The following FAM168A variants were observed in gnomAD, a reference collection of about 807,000 sequenced individuals.
The protein encoded by FAM168A is family with sequence similarity 168 member A.
A neutral mutation model predicts 28.5 loss-of-function variants in FAM168A; 3 were observed. That is an observed-to-expected ratio of 0.11 (90% confidence interval 0.05 to 0.27). The LOEUF is 0.27. FAM168A is among the 10% of genes least tolerant of loss of function. The pLI is 1.00. For synonymous variants in FAM168A, 122 were observed against 124.2 expected (o/e 0.98, Z 0.12); for missense variants, 222 against 311.5 (o/e 0.71, Z 2.16).
intron 1 of FAM168A, among the ~76,000 whole-genome samples, chr11:73,483,130 A>G (rs948564866): frequency 6.6e-6 from 1 of 152,234 alleles, no homozygotes; most frequent in African/African-American, 2.4e-5. Flanking sequence ...TGGTATCAAT[A>G]TTCCAAGAAT....
At chr11:73,557,304 A>C (rs1407654656) in intron 1 of FAM168A, among the ~76,000 whole-genome samples, 2 of 152,220 alleles carry the variant, frequency 1.3e-5, no homozygotes, top group Non-Finnish European at 2.9e-5. Context: ...TCATGGAGAC[A>C]AAGTTGAATG....
At chr11:73,455,119 A>G (rs1201543551) in intron 2 of FAM168A, among the ~76,000 whole-genome samples, 1 of 152,244 alleles carries the variant, frequency 6.6e-6, no homozygotes, top group Non-Finnish European at 1.5e-5. Flanking sequence ...GGGCTTCAGT[A>G]GTCACAGGCA....
chr11:73,452,240 C>G (rs1867443786), intron 2 of FAM168A: 1 of 152,252 alleles, frequency 6.6e-6, no homozygotes, highest in South Asian at 2.1e-4. Context: ...ACCAAGGGAG[C>G]TAACAATGAG....
intron 1 of FAM168A, among the ~76,000 whole-genome samples, chr11:73,499,905 G>C (rs1194839762): frequency 6.6e-6 from 1 of 152,128 alleles, no homozygotes; most frequent in Non-Finnish European, 1.5e-5. Flanking sequence ...GTTGACTGGA[G>C]TACCAGGAGA....
intron 1 of FAM168A, among the ~76,000 whole-genome samples, chr11:73,547,431 T>C (rs1293773918): frequency 6.6e-6 from 1 of 152,004 alleles, no homozygotes; most frequent in African/African-American, 2.4e-5. Flanking sequence ...GCTGCTGCTA[T>C]TGAAAATAGT....
intron 1 of FAM168A, among the ~76,000 whole-genome samples, chr11:73,508,454 A>G (rs1855157351): frequency 6.6e-6 from 1 of 152,202 alleles, no homozygotes; most frequent in South Asian, 2.1e-4. Context: ...TGCATTTTCA[A>G]CTGTCAGAAA....
chr11:73,421,022 T>C (rs1866782072), intron 3 of FAM168A: 1 of 144,778 alleles, frequency 6.9e-6, no homozygotes, highest in Non-Finnish European at 1.5e-5. Context: ...TTACTGTTTA[T>C]GGTAAAACGA....
At chr11:73,580,436 G>A (rs1166705258) in intron 1 of FAM168A, 7 of 620,756 alleles carry the variant, frequency 1.1e-5, no homozygotes, top group Non-Finnish European at 2.2e-5. Flanking sequence ...AGCTGAGGCT[G>A]GCCAGGATGG....
chr11:73,510,319 C>T (rs575000979), intron 1 of FAM168A, among the ~76,000 whole-genome samples: 3 of 152,172 alleles, frequency 2.0e-5, no homozygotes, highest in African/African-American at 2.4e-5. Flanking sequence ...AGAGATAAGG[C>T]GTAATCTCTG....
At chr11:73,422,762 G>A (rs528249898) in intron 3 of FAM168A, among the ~76,000 whole-genome samples, 6 of 151,388 alleles carry the variant, frequency 4.0e-5, no homozygotes, top group South Asian at 2.1e-4. Flanking sequence ...ATACTTTGCC[G>A]TCTATATGTT....
chr11:73,411,583 C>T (rs1866611873), intron 4 of FAM168A, 47 bp from the exon 5 acceptor site: 1 of 1,609,070 alleles, frequency 6.2e-7, no homozygotes, highest in Non-Finnish European at 8.5e-7. Context: ...GGCAGAAAAG[C>T]ATTGCTAGAA....
intron 1 of FAM168A, among the ~76,000 whole-genome samples, chr11:73,539,410 T>C (rs1056477778): frequency 2.2e-4 from 34 of 152,160 alleles, no homozygotes; most frequent in African/African-American, 7.5e-4. Context: ...GCTGGGACTA[T>C]AGGTGCATGC....
intron 2 of FAM168A, among the ~76,000 whole-genome samples, chr11:73,455,387 A>G (rs1867512636): frequency 3.3e-5 from 5 of 152,234 alleles, no homozygotes; most frequent in Admixed American, 3.3e-4. Context: ...CCCTGTCGCA[A>G]GTCCAGCAAA....
chr11:73,536,879 G>A (rs1038652468), intron 1 of FAM168A, among the ~76,000 whole-genome samples: 1 of 152,162 alleles, frequency 6.6e-6, no homozygotes, highest in East Asian at 1.9e-4. Context: ...GATAAATTGA[G>A]TGTTCCAATG....
intron 2 of FAM168A, among the ~76,000 whole-genome samples, chr11:73,468,171 C>A (rs1867764032): frequency 6.6e-6 from 1 of 152,140 alleles, no homozygotes; most frequent in African/African-American, 2.4e-5. Context: ...ATAATCAAAT[C>A]AAATGTTTGC....
intron 1 of FAM168A, among the ~76,000 whole-genome samples, chr11:73,482,353 C>T (rs895796357): frequency 6.6e-6 from 1 of 151,874 alleles, no homozygotes; most frequent in Non-Finnish European, 1.5e-5. Flanking sequence ...TCTTGATACT[C>T]TTCTCTGGAT....
intron 1 of FAM168A, among the ~76,000 whole-genome samples, chr11:73,506,656 T>C (rs968107603): frequency 2.6e-5 from 4 of 152,190 alleles, no homozygotes; most frequent in African/African-American, 9.6e-5. Context: ...AGATATTCTT[T>C]AAAGGTCCTC....
intron 1 of FAM168A, among the ~76,000 whole-genome samples, chr11:73,496,974 G>C (rs1450326997): frequency 6.6e-6 from 1 of 151,932 alleles, no homozygotes; most frequent in Non-Finnish European, 1.5e-5. Flanking sequence ...GGACACCTGG[G>C]AATCAGAATT....
At chr11:73,443,927 G>A (rs1446037289) in intron 2 of FAM168A, among the ~76,000 whole-genome samples, 4 of 152,166 alleles carry the variant, frequency 2.6e-5, no homozygotes, top group Non-Finnish European at 4.4e-5. Flanking sequence ...AGTAAGTTCA[G>A]AGCAAGCCCT....
Sources: gnomAD v4.1 joint callset for allele counts (sites outside exome capture counted in the v4.1 genomes callset) on GRCh38, gnomAD v4.1.1 for gene constraint, MANE v1.5 for transcripts, NCBI Gene and HGNC (gene_info 2026-07-23, HGNC 2026-07-21) for gene names.